Variants in PGAP1 observed in about 807,000 individuals in gnomAD.
The protein encoded by PGAP1 is post-GPI attachment to proteins inositol deacylase 1.
A neutral mutation model predicts 127.0 loss-of-function variants in PGAP1; 76 were observed. That is an observed-to-expected ratio of 0.60 (90% CI 0.50 to 0.72). The LOEUF (loss-of-function observed/expected upper bound fraction) is 0.72, where lower values mean the gene tolerates loss of function less well. Among genes scored for constraint, PGAP1 ranks in the 30% least tolerant of loss-of-function variants. The pLI, the probability that PGAP1 is intolerant of heterozygous loss-of-function variation, is 0.00. For synonymous variants in PGAP1, 362 were observed against 366.5 expected, an observed-to-expected ratio of 0.99 and a Z score of 0.14; for missense variants, 982 against 1,071.3, an observed-to-expected ratio of 0.92 and a Z score of 1.16.
intron 21 of PGAP1, 101 bp from the exon 22 acceptor site, chr2:196,847,301 C>A: frequency 1.2e-6 from 1 of 819,402 alleles, no homozygotes; most frequent in East Asian, 2.6e-5. Flanking sequence ...TCTAAAGTTC[C>A]ATGATACTTA....
At chr2:196,857,550 G>A (rs1191712945) in intron 20 of PGAP1, among the ~76,000 whole-genome samples, 2 of 152,212 alleles carry the variant, frequency 1.3e-5, no homozygotes, top group Non-Finnish European at 2.9e-5. Context: ...ATTGATCAGT[G>A]ATGCTTTTGG....
intron 1 of PGAP1, among the ~76,000 whole-genome samples, chr2:196,925,515 C>A (rs1703330876): frequency 6.6e-6 from 1 of 152,128 alleles, no homozygotes; most frequent in Non-Finnish European, 1.5e-5. Flanking sequence ...CGGAAAAATT[C>A]TCTTAGGACA....
rs533302331 is a variant in PGAP1, at chr2:196,917,429, T to C, written c.302-836A>G. On this transcript the variant is annotated intron_variant, in intron 2 of 26. Coordinates refer to ENST00000354764, the MANE Select transcript of PGAP1 (RefSeq NM_024989.4). ...ATCTCTGGTATATATTTTACAACCA[T>C]CTCTGAAATCTAACATAAGATATTT... Among the ~76,000 whole-genome samples, 3 of 152,292 alleles carry C rather than the reference T, an allele frequency of 2.0e-5. No individual in the cohort carries two copies. In the South Asian group the frequency reaches 6.2e-4, roughly 32 times the overall value.
chr2:196,913,958 T>C (rs1702918493), intron 3 of PGAP1, among the ~76,000 whole-genome samples: 1 of 152,188 alleles, frequency 6.6e-6, no homozygotes, highest in Non-Finnish European at 1.5e-5. Context: ...ATGTGATAAG[T>C]CCCCAGTAAA....
intron 12 of PGAP1, among the ~76,000 whole-genome samples, chr2:196,884,440 T>C (rs1386361078): frequency 6.6e-6 from 1 of 152,176 alleles, no homozygotes; most frequent in South Asian, 2.1e-4. Flanking sequence ...CATGAATGAA[T>C]ATGTACAAAT....
At chr2:196,895,801 T>C (rs1702251608) in intron 7 of PGAP1, among the ~76,000 whole-genome samples, 2 of 152,124 alleles carry the variant, frequency 1.3e-5, no homozygotes, top group East Asian at 3.8e-4. Context: ...TGGAGACCTA[T>C]TGAGAAAGAG....
At chr2:196,924,950 G>A (rs1169053533) in intron 1 of PGAP1, among the ~76,000 whole-genome samples, 2 of 152,152 alleles carry the variant, frequency 1.3e-5, no homozygotes, top group African/African-American at 2.4e-5. Context: ...CTTCAATGCG[G>A]TACAAAACTA....
chr2:196,876,070 C>G (rs116609340), intron 13 of PGAP1, among the ~76,000 whole-genome samples: 1,535 of 152,178 alleles, frequency 0.01, 22 homozygotes, highest in African/African-American at 0.035. Context: ...TCTAGAACAA[C>G]AGATTCATAG....
intron 13 of PGAP1, among the ~76,000 whole-genome samples, chr2:196,877,081 T>G (rs1413130022): frequency 6.6e-6 from 1 of 152,048 alleles, no homozygotes; most frequent in Non-Finnish European, 1.5e-5. Flanking sequence ...ATAATATAAT[T>G]TTTATTATTG....
chr2:196,858,192 G>A (rs542337893), intron 20 of PGAP1, among the ~76,000 whole-genome samples: 21 of 151,932 alleles, frequency 1.4e-4, no homozygotes, highest in Admixed American at 7.3e-4. Flanking sequence ...ACGAGGTCAG[G>A]AGATCGAGAC....
At chr2:196,872,135 T>C (rs935700023) in intron 18 of PGAP1, among the ~76,000 whole-genome samples, 1 of 152,186 alleles carries the variant, frequency 6.6e-6, no homozygotes, top group Non-Finnish European at 1.5e-5. Flanking sequence ...GACCTCATGA[T>C]GTTCTTCAAT....
intron 20 of PGAP1, among the ~76,000 whole-genome samples, chr2:196,855,669 A>G (rs893142813): frequency 6.6e-6 from 1 of 152,130 alleles, no homozygotes; most frequent in African/African-American, 2.4e-5. Context: ...GGTAAAGTAT[A>G]CTTTTCTGAA....
At chr2:196,902,810 C>G in intron 4 of PGAP1, 68 bp from the exon 5 acceptor site, 1 of 1,164,026 alleles carries the variant, frequency 8.6e-7, no homozygotes, top group South Asian at 1.6e-5. Flanking sequence ...GATATCTATA[C>G]AGTAATATTA....
In PGAP1 at chr2:196,835,469, C is replaced by T. The variant is rs960024845; in HGVS notation, c.*5765G>A. On this transcript the variant is annotated 3_prime_UTR_variant, in exon 27 of 27. Coordinates refer to ENST00000354764, the MANE Select transcript of PGAP1 (RefSeq NM_024989.4). ...TCAATGAATTGCTGAAAGATCATTA[C>T]TAGGCAAACTTTTACCCAATAAAAT... The T allele has an allele frequency of 6.6e-6, 1 of 151,982 alleles. No homozygotes were observed. Among genetic ancestry groups the T allele is most frequent in the Non-Finnish European group, 1.5e-5 (1 of 67,852 alleles). The allele number at this position is 151,982 out of a possible 1,614,324, so 9.4% of individuals were successfully genotyped here.
intron 7 of PGAP1, among the ~76,000 whole-genome samples, chr2:196,895,260 G>A (rs954490867): frequency 5.9e-5 from 9 of 152,038 alleles, no homozygotes; most frequent in Admixed American, 2.6e-4. Context: ...CATCTTACAA[G>A]TTAATGGAAA....
At chr2:196,872,596 A>G in intron 17 of PGAP1, 47 bp from the exon 18 acceptor site, 1 of 1,329,614 alleles carries the variant, frequency 7.5e-7, no homozygotes, top group Non-Finnish European at 1.1e-6. Context: ...AAATGCTGGT[A>G]AAGAGCCATG....
chr2:196,873,267 C>A (rs1701462308), intron 16 of PGAP1, among the ~76,000 whole-genome samples: 1 of 151,906 alleles, frequency 6.6e-6, no homozygotes, highest in Non-Finnish European at 1.5e-5. Flanking sequence ...ATAACTAAAT[C>A]TGAATTACTA....
intron 20 of PGAP1, among the ~76,000 whole-genome samples, chr2:196,861,123 A>G (rs1310466983): frequency 1.3e-5 from 2 of 152,218 alleles, no homozygotes; most frequent in Non-Finnish European, 2.9e-5. Flanking sequence ...GGAAAACTGG[A>G]TATTTATATG....
At chr2:196,904,527 A>G (rs1169728667) in intron 4 of PGAP1, among the ~76,000 whole-genome samples, 1 of 152,090 alleles carries the variant, frequency 6.6e-6, no homozygotes, top group Admixed American at 6.6e-5. Flanking sequence ...CATGAGGTCA[A>G]GAGATCGAGA....
Sources: allele counts gnomAD v4.1 joint callset (sites outside exome capture counted in the v4.1 genomes callset), GRCh38; gene constraint gnomAD v4.1.1; transcripts MANE v1.5; gene names NCBI Gene and HGNC (gene_info 2026-07-23, HGNC 2026-07-21).